PCDH10: variants seen among roughly 807,000 people sequenced by gnomAD.
PCDH10 encodes the protein protocadherin 10.
In PCDH10, 15 loss-of-function variants were observed where a neutral mutation model predicts 74.4. The observed-to-expected ratio is 0.20, with a 90% CI of 0.13 to 0.31. The LOEUF (loss-of-function observed/expected upper bound fraction) is 0.31, where lower values mean the gene tolerates loss of function less well. Among genes scored for constraint, PCDH10 ranks in the 10% least tolerant of loss-of-function variants. The pLI is 1.00. For missense variants in PCDH10, 1,260 were observed against 1,390.2 expected (o/e 0.91, Z 1.49); for synonymous variants, 619 against 589.8 (o/e 1.05, Z -0.72).
intron 4 of PCDH10, among the ~76,000 whole-genome samples, chr4:133,165,284 TA>T (rs2125864275): frequency 7.0e-6 from 1 of 142,134 alleles, no homozygotes; most frequent in East Asian, 2.1e-4. Flanking sequence ...CATACGACTT[TA>T]ATCATGTCTA....
chr4:133,207,906 A>C (rs1400249539), intron 2 of PCDH10, among the ~76,000 whole-genome samples: 2 of 152,188 alleles, frequency 1.3e-5, no homozygotes, highest in Non-Finnish European at 2.9e-5. Flanking sequence ...GACAGCCTTG[A>C]GTAATACCTC....
chr4:133,178,227 T>A (rs1727335028), intron 4 of PCDH10, among the ~76,000 whole-genome samples: 1 of 151,728 alleles, frequency 6.6e-6, no homozygotes, highest in South Asian at 2.1e-4. Flanking sequence ...TTTTTTTTTG[T>A]TTTGTTTTTT....
Position 133,150,133 on chromosome 4 carries a change from T to G in PCDH10, c.-8T>G. On this transcript the variant is annotated 5_prime_UTR_variant, in exon 1 of 5. Transcript: ENST00000264360. ...GGCTGCGGGAAGCTACTTCCTTTCC[T>G]TTTGGAGATGATTGTGCTATTATTG... The G allele has an allele frequency of 6.6e-7, 1 of 1,506,128 alleles. No individual in the cohort carries two copies. The highest frequency in any genetic ancestry group is 8.9e-7 in the Non-Finnish European group (1 of 1,124,972). 93.3% of individuals were successfully genotyped at this position (1,506,128 alleles called of 1,614,324 possible).
rs7673995 is a variant in PCDH10, at chr4:133,181,523, G to A, written c.3104-8618G>A. Reference sequence around the variant, plus strand: ...TTAGCACCCAAATATTCTATGGGACGTACAGCTACTAAAAATTATTCATTG... The same window carrying A: ...TTAGCACCCAAATATTCTATGGGACATACAGCTACTAAAAATTATTCATTG... On this transcript the variant is annotated intron_variant, in intron 4 of 4. Transcript: ENST00000264360. Among the ~76,000 whole-genome samples the A allele has an allele frequency of 5.2e-3, 797 of 152,104 alleles. 5 individuals carry two copies. The highest frequency in any genetic ancestry group is 0.019 in the South Asian group (91 of 4,814).
Position 133,152,082 on chromosome 4 carries a change from C to A in PCDH10, c.1942C>A (p.Arg648Ser). The A allele has an allele frequency of 6.3e-7, 1 of 1,598,320 alleles. No individual in the cohort carries two copies. The highest frequency in any genetic ancestry group is 8.5e-7 in the Non-Finnish European group (1 of 1,173,026). ...LRTARRVPAK[R>S]DPQRPYELVI... is the part of the protein sequence containing the mutation. ...CACAGCACGCCGAGTCCCGGCCAAGCGCGACCCCCAGCGGCCTTATGAGCT... is the reference window on the plus strand; with the variant it reads ...CACAGCACGCCGAGTCCCGGCCAAGAGCGACCCCCAGCGGCCTTATGAGCT... Residue 648 changes from arginine (R) to serine (S), a missense_variant, in exon 1 of 5, where the codon CGC becomes AGC. Around this residue, in one of 11 missense-constraint regions of PCDH10, gnomAD observed 587 missense variants for 616.9 expected, o/e 0.95. Transcript: ENST00000264360.
chr4:133,198,250 C>G (rs978004565), downstream of PCDH10, among the ~76,000 whole-genome samples: 3 of 151,600 alleles, frequency 2.0e-5, no homozygotes, highest in Non-Finnish European at 4.4e-5. Flanking sequence ...GCTACAAAGA[C>G]TACAAAAAAA....
At chr4:133,163,816 G>A in intron 4 of PCDH10, 1 of 390,624 alleles carries the variant, frequency 2.6e-6, no homozygotes, top group Admixed American at 3.5e-5. Flanking sequence ...AGATGAGACA[G>A]ATTGTAGATA....
intron 2 of PCDH10, among the ~76,000 whole-genome samples, chr4:133,203,903 G>T (rs1030837371): frequency 6.6e-6 from 1 of 152,148 alleles, no homozygotes; most frequent in Non-Finnish European, 1.5e-5. Flanking sequence ...TGACTGTGAG[G>T]CAGGCATGGC....
intron 1 of PCDH10, chr4:133,153,496 C>T (rs1490386618): frequency 6.6e-6 from 1 of 152,560 alleles, no homozygotes. Context: ...TAATAATCAC[C>T]TTCTTGCCAC....
In PCDH10 at chr4:133,152,721, A is replaced by G; in HGVS notation, c.2581A>G (p.Thr861Ala). 1 of 1,614,204 alleles carries G rather than the reference A, an allele frequency of 6.2e-7. No homozygotes were observed. The highest frequency in any genetic ancestry group is 8.5e-7 in the Non-Finnish European group (1 of 1,180,046). ...CTGCGGGGCCATCGTCACCGGTTAC[A>G]CCGACCAGCAGCCTGATATCATCTC... ...NPCGAIVTGY[T>A]DQQPDIISNG... The change falls in exon 1 of 5, where the codon ACC (threonine) becomes GCC (alanine). Residue 861 changes from threonine (T) to alanine (A), a missense_variant. By Grantham distance (58) the Thr-to-Ala change is moderately conservative. Around this residue, in one of 11 missense-constraint regions of PCDH10, gnomAD observed 587 missense variants for 616.9 expected, o/e 0.95. Transcript: ENST00000264360.
chr4:133,151,086 T>C lies in PCDH10; in HGVS notation c.946T>C (p.Leu316=). 6.2e-7 allele frequency: 1 copy of C among 1,613,882 alleles called. No homozygotes were observed. Among genetic ancestry groups the C allele is most frequent in the Admixed American group, 1.7e-5 (1 of 59,992 alleles). ...TGGCAGACTGGAGGTAAGCGGCGAG[T>C]TGGACTATGAAGAGAGCCCAGTGTA... ...RTGRLEVSGE[L]DYEESPVYQV... is the part of the protein sequence containing the mutation. Residue 316 remains leucine, a synonymous_variant, in exon 1 of 5, where the codon TTG becomes CTG. Coordinates refer to ENST00000264360, the MANE Select transcript of PCDH10 (RefSeq NM_032961.3).
At chr4:133,174,106 A>G (rs112749283) in intron 4 of PCDH10, among the ~76,000 whole-genome samples, 4 of 152,042 alleles carry the variant, frequency 2.6e-5, no homozygotes, top group African/African-American at 4.8e-5. Flanking sequence ...GTCATCCTCT[A>G]TTGAAGTTTA....
rs1578557724 is a variant in PCDH10, at chr4:133,152,297, C to G, written c.2157C>G (p.Ile719Met). The G allele has an allele frequency of 3.1e-6, 5 of 1,614,168 alleles. No homozygotes were observed. The highest frequency in any genetic ancestry group is 1.1e-5 in the South Asian group (1 of 91,088). ...CGCTAGACCTCACCCTCATCCTCAT[C>G]ATCGCGTTGGGCTCGGTGTCCTTCA... is the stretch of plus-strand genomic sequence containing the variant. Reference protein sequence around the residue: ...ETSLDLTLILIIALGSVSFIF... With the variant: ...ETSLDLTLILMIALGSVSFIF... The change falls in exon 1 of 5, where the codon ATC becomes ATG. Residue 719 changes from isoleucine to methionine, a missense_variant. Around this residue, in one of 11 missense-constraint regions of PCDH10, gnomAD observed 587 missense variants for 616.9 expected, o/e 0.95. Transcript: ENST00000264360.
intron 4 of PCDH10, among the ~76,000 whole-genome samples, chr4:133,182,248 G>C (rs960843327): frequency 6.6e-6 from 1 of 151,976 alleles, no homozygotes; most frequent in Non-Finnish European, 1.5e-5. Flanking sequence ...ATCAATGCTA[G>C]TTTCAACCTC....
rs577609714 is a variant in PCDH10, at chr4:133,193,579, G to C, written c.*3419G>C. ...TCTAAACATTATTTACTGGAGCTCA[G>C]TTAGTCTTTAAAACAATTACTCAGG... On this transcript the variant is annotated 3_prime_UTR_variant, in exon 5 of 5. Transcript: ENST00000264360. 6.6e-6 allele frequency: 1 copy of C among 151,554 alleles called. No homozygotes were observed. The highest frequency in any genetic ancestry group is 2.4e-5 in the African/African-American group (1 of 41,386). 9.4% of individuals were successfully genotyped at this position (151,554 alleles called of 1,614,324 possible). A position where few individuals can be genotyped will look rare whatever the true frequency, so the allele number is the denominator to read the frequency against.
chr4:133,201,153 A>C (rs1054112186), intron 2 of PCDH10, among the ~76,000 whole-genome samples: 1 of 152,200 alleles, frequency 6.6e-6, no homozygotes, highest in Non-Finnish European at 1.5e-5. Flanking sequence ...CCAAGAGTAA[A>C]TCTGACTAAC....
chr4:133,183,035 T>C (rs1392932990), intron 4 of PCDH10, among the ~76,000 whole-genome samples: 1 of 152,044 alleles, frequency 6.6e-6, no homozygotes, highest in Non-Finnish European at 1.5e-5. Flanking sequence ...AATGGAAAAG[T>C]TAAAAATGAT....
chr4:133,172,310 G>A (rs1727219066), intron 4 of PCDH10, among the ~76,000 whole-genome samples: 1 of 151,794 alleles, frequency 6.6e-6, no homozygotes, highest in Non-Finnish European at 1.5e-5. Context: ...ACTATCATTG[G>A]TTATCTACTT....
At position 133,163,247 on chromosome 4, in the gene PCDH10, C is replaced by A; in HGVS notation, c.3068C>A (p.Thr1023Asn). ...AGGAAGGAGCTGGATGGACTGCTGA[C>A]TAATACGCGAGCGCCTTACAAACCA... ...LERKELDGLL[T>N]NTRAPYKPPY... is the part of the protein sequence containing the mutation. Residue 1023 changes from threonine to asparagine, a missense_variant, in exon 4 of 5, where the codon ACT (threonine) becomes AAT (asparagine). This residue lies in a region of PCDH10 where 136 missense variants were observed against 149.3 expected (regional missense o/e 0.91). Transcript: ENST00000264360. 1 of 1,613,800 alleles carries A rather than the reference C, an allele frequency of 6.2e-7. No individual in the cohort carries two copies. The highest frequency in any genetic ancestry group is 8.5e-7 in the Non-Finnish European group (1 of 1,179,892).
Sources: gnomAD v4.1 joint callset for allele counts (sites outside exome capture counted in the v4.1 genomes callset) on GRCh38, gnomAD v4.1.1 for gene constraint, gnomAD v4.1.1 regional missense constraint, MANE v1.5 for transcripts, NCBI Gene and HGNC (gene_info 2026-07-23, HGNC 2026-07-21) for gene names.